HPSE2: variants seen among roughly 807,000 people sequenced by gnomAD.
HPSE2 encodes the protein heparanase 2 (inactive).
A neutral mutation model predicts 60.5 loss-of-function variants in HPSE2; 38 were observed. That is an observed-to-expected ratio of 0.63 (90% confidence interval 0.48 to 0.82). The LOEUF (loss-of-function observed/expected upper bound fraction) is 0.82, where lower values mean the gene tolerates loss of function less well. Among genes scored for constraint, HPSE2 ranks in the 40% least tolerant of loss-of-function variants. The pLI is 0.00. For synonymous variants in HPSE2, 295 were observed against 293.2 expected, an observed-to-expected ratio of 1.01 and a Z score of -0.06; for missense variants, 713 against 740.4, an observed-to-expected ratio of 0.96 and a Z score of 0.43.
chr10:98,670,723 T>C (rs1231213186), intron 6 of HPSE2, among the ~76,000 whole-genome samples: 1 of 152,212 alleles, frequency 6.6e-6, no homozygotes, highest in African/African-American at 2.4e-5. Flanking sequence ...TTCCAGACAT[T>C]GTATAGAAGA....
chr10:98,710,782 G>A (rs1053856130), intron 5 of HPSE2, among the ~76,000 whole-genome samples: 2 of 152,092 alleles, frequency 1.3e-5, no homozygotes, highest in Admixed American at 1.3e-4. Context: ...ATGCAGAGTT[G>A]GCAAATTTGT....
At chr10:99,277,687 T>A in the HPSE2 span, among the ~76,000 whole-genome samples, 1 of 152,232 alleles carries the variant, frequency 6.6e-6, no homozygotes, top group East Asian at 1.9e-4. Flanking sequence ...ATGGTGGTTT[T>A]TCTGTGTATA....
chr10:98,595,528 C>A (rs549916691), intron 9 of HPSE2, among the ~76,000 whole-genome samples: 2 of 152,038 alleles, frequency 1.3e-5, no homozygotes, highest in African/African-American at 2.4e-5. Context: ...TATTAATATG[C>A]TACTATTTTT....
chr10:98,630,507 T>C (rs1946340854), intron 7 of HPSE2, among the ~76,000 whole-genome samples: 1 of 152,068 alleles, frequency 6.6e-6, no homozygotes, highest in South Asian at 2.1e-4. Flanking sequence ...GTAATAGTTT[T>C]TTTACCGATT....
At chr10:99,146,614 C>T (rs1846063326) in intron 2 of HPSE2, among the ~76,000 whole-genome samples, 1 of 152,182 alleles carries the variant, frequency 6.6e-6, no homozygotes, top group Non-Finnish European at 1.5e-5. Context: ...GTAATCCCAG[C>T]ACTTTGGGAG....
chr10:98,487,510 T>C (rs1941485697), intron 10 of HPSE2, among the ~76,000 whole-genome samples: 1 of 152,264 alleles, frequency 6.6e-6, no homozygotes, highest in Non-Finnish European at 1.5e-5. Context: ...TTAATGCTGT[T>C]ATTTGCATGT....
intron 3 of HPSE2, among the ~76,000 whole-genome samples, chr10:98,960,700 TC>T (rs368144865): frequency 2.9e-3 from 163 of 56,964 alleles, no homozygotes; most frequent in Middle Eastern, 8.5e-3. Context: ...TATGTACATT[TC>T]TTTTTTTTTT....
intron 3 of HPSE2, among the ~76,000 whole-genome samples, chr10:99,068,035 G>C (rs2135540135): frequency 6.6e-6 from 1 of 152,220 alleles, no homozygotes; most frequent in South Asian, 2.1e-4. Context: ...CATAGCAAAA[G>C]TGACCTTTAC....
intron 9 of HPSE2, among the ~76,000 whole-genome samples, chr10:98,544,923 G>C (rs555993999): frequency 6.6e-6 from 1 of 151,902 alleles, no homozygotes; most frequent in East Asian, 1.9e-4. Context: ...TAATAAAGAA[G>C]AAAAGGGAGA....
chr10:99,114,435 A>G (rs4919277), intron 3 of HPSE2, among the ~76,000 whole-genome samples: 122,146 of 152,208 alleles, frequency 0.8, 51,230 homozygotes, highest in South Asian at 0.94. Flanking sequence ...AAATGAATTC[A>G]AAGGACTTCT....
chr10:99,229,254 C>G (rs1849573124), intron 2 of HPSE2, among the ~76,000 whole-genome samples: 1 of 151,820 alleles, frequency 6.6e-6, no homozygotes, highest in African/African-American at 2.4e-5. Context: ...AATGCTACAA[C>G]TATCCATTCA....
At chr10:98,921,623 T>G (rs1954284594) in intron 3 of HPSE2, among the ~76,000 whole-genome samples, 1 of 152,182 alleles carries the variant, frequency 6.6e-6, no homozygotes, top group Non-Finnish European at 1.5e-5. Flanking sequence ...AAACCCCCAA[T>G]TTTAGTGACT....
At chr10:99,103,021 A>G (rs1485446780) in intron 3 of HPSE2, among the ~76,000 whole-genome samples, 1 of 152,196 alleles carries the variant, frequency 6.6e-6, no homozygotes, top group East Asian at 1.9e-4. Flanking sequence ...CCCACAGCCA[A>G]TATCATACTG....
At chr10:99,119,322 G>C (rs1204378988) in intron 3 of HPSE2, among the ~76,000 whole-genome samples, 2 of 152,016 alleles carry the variant, frequency 1.3e-5, no homozygotes, top group Admixed American at 1.3e-4. Flanking sequence ...GGCTAAATCA[G>C]GAATGCAATC....
At chr10:98,869,704 T>C (rs990658195) in intron 3 of HPSE2, among the ~76,000 whole-genome samples, 4 of 152,064 alleles carry the variant, frequency 2.6e-5, no homozygotes, top group Non-Finnish European at 5.9e-5. Context: ...TGGTGGCAAA[T>C]TTGGAATAAA....
intron 11 of HPSE2, among the ~76,000 whole-genome samples, chr10:98,476,656 G>A (rs1278918948): frequency 6.6e-6 from 1 of 151,916 alleles, no homozygotes; most frequent in Non-Finnish European, 1.5e-5. Flanking sequence ...TGGGCGTGGT[G>A]GTGCATGCCT....
chr10:98,946,484 A>C (rs1263431399), intron 3 of HPSE2, among the ~76,000 whole-genome samples: 1 of 151,980 alleles, frequency 6.6e-6, no homozygotes, highest in Non-Finnish European at 1.5e-5. Flanking sequence ...AAAAAAAAAA[A>C]AAAACAGAAA....
At chr10:98,479,866 T>C (rs1185533333) in intron 11 of HPSE2, among the ~76,000 whole-genome samples, 1 of 152,206 alleles carries the variant, frequency 6.6e-6, no homozygotes, top group Admixed American at 6.5e-5. Flanking sequence ...ATTTCAACCA[T>C]ATTTTCCAAA....
chr10:98,761,754 C>T (rs958781486), intron 3 of HPSE2, among the ~76,000 whole-genome samples: 1 of 152,134 alleles, frequency 6.6e-6, no homozygotes, highest in Non-Finnish European at 1.5e-5. Context: ...GGGGACTTAA[C>T]TTACAATCTG....
Sources: allele counts gnomAD v4.1 joint callset (sites outside exome capture counted in the v4.1 genomes callset), GRCh38; gene constraint gnomAD v4.1.1; transcripts MANE v1.5; gene names NCBI Gene and HGNC (gene_info 2026-07-23, HGNC 2026-07-21).